Variants in RBMS2 observed in about 807,000 individuals in gnomAD.
RBMS2 encodes the protein RNA-binding motif, single-stranded-interacting protein 2.
Under a neutral mutation model 58.4 loss-of-function variants are expected in RBMS2, and 38 were observed. The observed-to-expected ratio is 0.65, with a 90% CI of 0.50 to 0.85. The LOEUF (loss-of-function observed/expected upper bound fraction) is 0.85, where lower values mean the gene tolerates loss of function less well. Ranked by LOEUF, RBMS2 falls within the 40% of genes least tolerant of loss-of-function variation. The probability of loss-of-function intolerance (pLI) is 0.00; values close to 1 mark genes in which losing one functional copy is unlikely to be tolerated. For synonymous variants in RBMS2, 151 were observed against 180.7 expected (o/e 0.84, Z 1.32); for missense variants, 367 against 503.7 (o/e 0.73, Z 2.60).
intron 1 of RBMS2, among the ~76,000 whole-genome samples, chr12:56,532,144 A>C (rs1198341139): frequency 6.6e-6 from 1 of 151,936 alleles, no homozygotes; most frequent in Non-Finnish European, 1.5e-5. Context: ...GCTTGAACCC[A>C]GGAGGTAGAG....
At chr12:56,558,898 C>T (rs1431583363) in intron 1 of RBMS2, among the ~76,000 whole-genome samples, 1 of 151,972 alleles carries the variant, frequency 6.6e-6, no homozygotes, top group Non-Finnish European at 1.5e-5. Flanking sequence ...CTGTGCTTGG[C>T]CTCTTTGTTT....
chr12:56,558,584 T>C (rs1397087054), intron 1 of RBMS2, among the ~76,000 whole-genome samples: 170 of 23,886 alleles, frequency 7.1e-3, no homozygotes, highest in African/African-American at 0.011. Context: ...TTCCTTTTTC[T>C]TTTTCCTTTT....
At chr12:56,558,335 C>CGCCT (rs1879681164) in intron 1 of RBMS2, among the ~76,000 whole-genome samples, 1 of 8,180 alleles carries the variant, frequency 1.2e-4, no homozygotes, top group Non-Finnish European at 5.1e-4. Flanking sequence ...CGTGAGCCAC[C>CGCCT]AGCTGCCTCT....
At chr12:56,560,992 A>C (rs911360873) in intron 1 of RBMS2, among the ~76,000 whole-genome samples, 32 of 152,132 alleles carry the variant, frequency 2.1e-4, no homozygotes, top group African/African-American at 7.5e-4. Context: ...TTTAGTTCCC[A>C]CTTTATAAGT....
intron 2 of RBMS2, among the ~76,000 whole-genome samples, chr12:56,566,737 G>T (rs909254521): frequency 6.6e-6 from 1 of 152,174 alleles, no homozygotes; most frequent in Non-Finnish European, 1.5e-5. Context: ...AGAATCGCTT[G>T]AACCCGGGAG....
chr12:56,542,059 A>T (rs1015358308), intron 1 of RBMS2, among the ~76,000 whole-genome samples: 9 of 151,530 alleles, frequency 5.9e-5, no homozygotes, highest in Admixed American at 1.3e-4. Flanking sequence ...TAGTAGATTT[A>T]TTTTTTTTGA....
At chr12:56,570,136 C>G in intron 4 of RBMS2, 146 bp downstream of exon 4, 1 of 644,704 alleles carries the variant, frequency 1.6e-6, no homozygotes, top group Non-Finnish European at 2.7e-6. Context: ...TCCATGAGCA[C>G]CCCTGGCTGC....
At chr12:56,537,306 A>G (rs1875095215) in intron 1 of RBMS2, among the ~76,000 whole-genome samples, 2 of 152,172 alleles carry the variant, frequency 1.3e-5, no homozygotes, top group South Asian at 4.1e-4. Context: ...AATTCTTTTC[A>G]TCTTACAAAA....
chr12:56,546,126 AT>A (rs1314626669), intron 1 of RBMS2, among the ~76,000 whole-genome samples: 5 of 135,538 alleles, frequency 3.7e-5, no homozygotes, highest in South Asian at 2.3e-4. Flanking sequence ...ATTTATTTTT[AT>A]TTTTTTTTGA....
Position 56,595,737 on chromosome 12 carries a change from C to T in RBMS2, c.*6604C>T, listed in dbSNP as rs1456266970. 6.6e-6 allele frequency: 1 copy of T among 152,542 alleles called. No homozygotes were observed. Among genetic ancestry groups the T allele is most frequent in the African/African-American group, 2.4e-5 (1 of 41,400 alleles). 9.4% of individuals were successfully genotyped at this position (152,542 alleles called of 1,614,324 possible). ...AGGCAGGACCTGGATGCACTGAATC[C>T]CCCTTTGCTCCAGCAACTCAGCCAG... On this transcript the variant is annotated 3_prime_UTR_variant, in exon 14 of 14. Coordinates refer to ENST00000262031, the MANE Select transcript of RBMS2 (RefSeq NM_002898.4).
chr12:56,550,536 A>C (rs1277897199), intron 1 of RBMS2, among the ~76,000 whole-genome samples: 1 of 151,800 alleles, frequency 6.6e-6, no homozygotes, highest in African/African-American at 2.4e-5. Context: ...CCTTTCTCAA[A>C]AAAACAAAAC....
chr12:56,525,198 A>G (rs1475724962), intron 1 of RBMS2, among the ~76,000 whole-genome samples: 1 of 151,920 alleles, frequency 6.6e-6, no homozygotes, highest in Non-Finnish European at 1.5e-5. Flanking sequence ...TGTATTTTCC[A>G]TACTCAGTTA....
At chr12:56,563,642 A>T (rs1880831009) in intron 2 of RBMS2, among the ~76,000 whole-genome samples, 1 of 152,158 alleles carries the variant, frequency 6.6e-6, no homozygotes, top group South Asian at 2.1e-4. Context: ...GTGTATATAA[A>T]AAACTGGTCC....
chr12:56,579,591 G>A (rs948464000), intron 5 of RBMS2, among the ~76,000 whole-genome samples: 8 of 148,982 alleles, frequency 5.4e-5, no homozygotes, highest in East Asian at 2.0e-4. Context: ...CCGAGATCGC[G>A]CCACTGCACT....
rs1257101820 is a variant in RBMS2, at chr12:56,538,670, TAC to T, written c.66+16582_66+16583del. ...CTAATTTTTGTATTTTTAGTAGAGA[TAC>T]GGTTTCACCATCTTGGCCAGGCTGG... On this transcript the variant is annotated intron_variant, in intron 1 of 13. Coordinates refer to ENST00000262031, the MANE Select transcript of RBMS2 (RefSeq NM_002898.4). Among the ~76,000 whole-genome samples the T allele has an allele frequency of 8.3e-4, 126 of 151,664 alleles. 2 individuals carry two copies. Among genetic ancestry groups the T allele is most frequent in the African/African-American group, 3.0e-3 (124 of 41,302 alleles).
chr12:56,541,422 C>T (rs1455571079), intron 1 of RBMS2, among the ~76,000 whole-genome samples: 1 of 152,064 alleles, frequency 6.6e-6, no homozygotes, highest in Non-Finnish European at 1.5e-5. Flanking sequence ...TAGGGCTGTA[C>T]TCTAACCTTT....
intron 1 of RBMS2, among the ~76,000 whole-genome samples, chr12:56,537,205 G>A (rs2136282871): frequency 6.6e-6 from 1 of 152,266 alleles, no homozygotes; most frequent in East Asian, 1.9e-4. Context: ...ACAGGCGTGA[G>A]GCGCCCACCT....
At chr12:56,588,807 C>T in intron 12 of RBMS2, 125 bp from the exon 13 acceptor site, 1 of 830,252 alleles carries the variant, frequency 1.2e-6, no homozygotes, top group African/African-American at 1.7e-5. Context: ...AACACTCACA[C>T]ATGAGTGTGG....
intron 1 of RBMS2, among the ~76,000 whole-genome samples, chr12:56,525,895 T>C (rs1872567238): frequency 6.6e-6 from 1 of 150,918 alleles, no homozygotes; most frequent in Non-Finnish European, 1.5e-5. Context: ...ACTCCTGACC[T>C]CAAGTGACCT....
Sources: allele counts gnomAD v4.1 joint callset (sites outside exome capture counted in the v4.1 genomes callset), GRCh38; gene constraint gnomAD v4.1.1; transcripts MANE v1.5; gene names NCBI Gene and HGNC (gene_info 2026-07-23, HGNC 2026-07-21).